PCNX1: variants seen among roughly 807,000 people sequenced by gnomAD.
PCNX1 encodes pecanex-like protein 1.
PCNX1 carries 78 observed loss-of-function variants against 242.2 expected under a neutral mutation model. The observed-to-expected ratio is 0.32, with a 90% CI of 0.27 to 0.39. The LOEUF is 0.39. PCNX1 is among the 10% of genes least tolerant of loss of function. PCNX1 has a pLI of 1.00. For synonymous variants in PCNX1, 1,024 were observed against 1,032.9 expected (o/e 0.99, Z 0.17); for missense variants, 2,581 against 2,856.5 (o/e 0.90, Z 2.20).
intron 33 of PCNX1, among the ~76,000 whole-genome samples, chr14:71,106,547 GTTTTTTT>G (rs375480782): frequency 1.4e-5 from 2 of 140,606 alleles, no homozygotes; most frequent in Non-Finnish European, 3.1e-5. Flanking sequence ...TTCCAGAAAG[GTTTTTTT>G]TTTTTTTTAA....
chr14:70,963,790 T>C (rs1461789693), intron 3 of PCNX1, among the ~76,000 whole-genome samples: 1 of 152,198 alleles, frequency 6.6e-6, no homozygotes, highest in Non-Finnish European at 1.5e-5. Context: ...AAATCTTAGG[T>C]TTCCAGTTCT....
Position 70,978,039 on chromosome 14 carries a change from C to G in PCNX1, c.1702C>G (p.Arg568Gly). Residue 568 changes from arginine (R) to glycine (G), a missense_variant, in exon 6 of 36, where the codon CGG (arginine) becomes GGG (glycine). Transcript: ENST00000304743. ...AGGCAGGAGACGCACAGGAAAAAAA[C>G]GGGCTAGCAGTTTTGATTCAAGCCG... ...KSGRRRTGKK[R>G]ASSFDSSRHR... The G allele has an allele frequency of 6.2e-7, 1 of 1,614,086 alleles. No individual in the cohort carries two copies. The highest frequency in any genetic ancestry group is 8.5e-7 in the Non-Finnish European group (1 of 1,180,022).
intron 26 of PCNX1, among the ~76,000 whole-genome samples, chr14:71,064,988 T>G (rs1439736097): frequency 6.6e-6 from 1 of 152,224 alleles, no homozygotes; most frequent in Admixed American, 6.5e-5. Flanking sequence ...ATGGTGTATA[T>G]ATGCCACATT....
intron 1 of PCNX1, among the ~76,000 whole-genome samples, chr14:70,921,084 T>G (rs1390951106): frequency 6.6e-6 from 1 of 152,190 alleles, no homozygotes; most frequent in Non-Finnish European, 1.5e-5. Context: ...AGTGAGTTAT[T>G]TTTTAGCTTC....
intron 12 of PCNX1, among the ~76,000 whole-genome samples, chr14:71,021,735 C>A (rs1311458730): frequency 7.0e-6 from 1 of 142,734 alleles, no homozygotes; most frequent in Non-Finnish European, 1.5e-5. Flanking sequence ...CCTATGTATA[C>A]TCTTCCATTT....
At chr14:70,953,534 C>T (rs961530792) in intron 2 of PCNX1, among the ~76,000 whole-genome samples, 8 of 151,488 alleles carry the variant, frequency 5.3e-5, no homozygotes, top group Non-Finnish European at 1.0e-4. Flanking sequence ...TTACAGTCAT[C>T]TCCCACTTGT....
intron 7 of PCNX1, among the ~76,000 whole-genome samples, chr14:70,994,396 G>GATATATATATGTATATAT (rs2059267124): frequency 2.1e-5 from 2 of 96,966 alleles, no homozygotes; most frequent in African/African-American, 7.7e-5. Flanking sequence ...ACAGGCTTAA[G>GATATATATATGTATATAT]ATATATATAT....
At chr14:70,908,478 C>T (rs929783807) in intron 1 of PCNX1, among the ~76,000 whole-genome samples, 1 of 152,208 alleles carries the variant, frequency 6.6e-6, no homozygotes, top group African/African-American at 2.4e-5. Flanking sequence ...AGGCCGCCCG[C>T]CGCCTCGCCG....
intron 7 of PCNX1, among the ~76,000 whole-genome samples, chr14:70,993,287 AT>A (rs879694882): frequency 1.7e-3 from 251 of 143,922 alleles, no homozygotes; most frequent in Middle Eastern, 3.5e-3. Context: ...TGCCCGGCTA[AT>A]TTTTTTTTTT....
chr14:70,913,453 C>T (rs1041843950), intron 1 of PCNX1, among the ~76,000 whole-genome samples: 5 of 152,084 alleles, frequency 3.3e-5, no homozygotes, highest in East Asian at 3.8e-4. Flanking sequence ...AAGTGCAGTA[C>T]GTATGGCTTT....
chr14:70,934,798 T>C (rs1388120618), intron 1 of PCNX1, among the ~76,000 whole-genome samples: 2 of 152,168 alleles, frequency 1.3e-5, no homozygotes, highest in Admixed American at 1.3e-4. Context: ...GTTTAATAGA[T>C]AGAGGGTTTC....
At chr14:71,072,004 A>G (rs2061598373) in intron 26 of PCNX1, among the ~76,000 whole-genome samples, 1 of 152,198 alleles carries the variant, frequency 6.6e-6, no homozygotes, top group Non-Finnish European at 1.5e-5. Context: ...GCCATCTTAT[A>G]TGGGCATAAA....
intron 26 of PCNX1, among the ~76,000 whole-genome samples, chr14:71,065,037 G>T (rs1468862897): frequency 2.0e-5 from 3 of 152,088 alleles, no homozygotes; most frequent in African/African-American, 7.2e-5. Context: ...ATTTGTGTTG[G>T]CTCCAAGTCT....
intron 16 of PCNX1, chr14:71,032,099 A>G (rs767918409): frequency 2.8e-5 from 17 of 607,828 alleles, no homozygotes; most frequent in Non-Finnish European, 5.0e-5. Flanking sequence ...CATGCTGAGA[A>G]AGCAGGTCGC....
intron 8 of PCNX1, among the ~76,000 whole-genome samples, chr14:71,007,542 CTGAG>C (rs1482814097): frequency 6.6e-6 from 1 of 152,102 alleles, no homozygotes; most frequent in East Asian, 1.9e-4. Flanking sequence ...TCTGTTCTTA[CTGAG>C]TTTCATATGC....
At chr14:70,998,636 A>G (rs549914957) in intron 8 of PCNX1, among the ~76,000 whole-genome samples, 1 of 151,596 alleles carries the variant, frequency 6.6e-6, no homozygotes, top group South Asian at 2.1e-4. Context: ...CTGTAATCCC[A>G]GTTACTCAAA....
At chr14:70,965,662 C>CAAAA (rs11453401) in intron 3 of PCNX1, among the ~76,000 whole-genome samples, 2 of 91,082 alleles carry the variant, frequency 2.2e-5, no homozygotes, top group East Asian at 3.5e-4. Context: ...GACTCCGTCT[C>CAAAA]AAAAAAAAAA....
intron 8 of PCNX1, among the ~76,000 whole-genome samples, chr14:71,000,267 C>A (rs1388788739): frequency 2.0e-5 from 3 of 152,054 alleles, no homozygotes; most frequent in Admixed American, 6.6e-5. Context: ...CCCATCCTTA[C>A]AACAGAAATA....
chr14:70,972,268 G>T (rs535955081), intron 5 of PCNX1, among the ~76,000 whole-genome samples: 1 of 151,682 alleles, frequency 6.6e-6, no homozygotes, highest in Non-Finnish European at 1.5e-5. Flanking sequence ...GAGAGCAAGG[G>T]GGGTAAGTTA....
Sources: allele counts gnomAD v4.1 joint callset (sites outside exome capture counted in the v4.1 genomes callset), GRCh38; gene constraint gnomAD v4.1.1; transcripts MANE v1.5; gene names NCBI Gene and HGNC (gene_info 2026-07-23, HGNC 2026-07-21).